ST3GAL3: variants seen among roughly 807,000 people sequenced by gnomAD.
The protein encoded by ST3GAL3 is ST3 beta-galactoside alpha-2,3-sialyltransferase 3.
Under a neutral mutation model 50.1 loss-of-function variants are expected in ST3GAL3, and 21 were observed. The observed-to-expected ratio is 0.42, with a 90% CI of 0.30 to 0.60. The LOEUF (loss-of-function observed/expected upper bound fraction) is 0.60. ST3GAL3 is among the 20% of genes least tolerant of loss of function. ST3GAL3 has a pLI of 0.19. For synonymous variants in ST3GAL3, 183 were observed against 190.0 expected (o/e 0.96, Z 0.30); for missense variants, 353 against 489.4 (o/e 0.72, Z 2.63).
At chr1:43,817,594 CCTCCCTT>C (rs2061484841) in intron 4 of ST3GAL3, among the ~76,000 whole-genome samples, 1 of 73,972 alleles carries the variant, frequency 1.4e-5, no homozygotes, top group Non-Finnish European at 2.5e-5. Context: ...TCCTTCTCCT[CCTCCCTT>C]CTCCTTCTCC....
At chr1:43,760,276 T>G (rs1689771497) in intron 2 of ST3GAL3, among the ~76,000 whole-genome samples, 2 of 152,258 alleles carry the variant, frequency 1.3e-5, no homozygotes, top group South Asian at 4.1e-4. Context: ...AACTTACATC[T>G]GCTGCCATAA....
At chr1:43,786,839 T>C (rs2057404799) in intron 2 of ST3GAL3, among the ~76,000 whole-genome samples, 1 of 152,206 alleles carries the variant, frequency 6.6e-6, no homozygotes, top group East Asian at 1.9e-4. Flanking sequence ...GTGTTTAGCT[T>C]TATATGTATT....
At chr1:43,803,491 G>C (rs2059547254) in intron 3 of ST3GAL3, among the ~76,000 whole-genome samples, 1 of 152,140 alleles carries the variant, frequency 6.6e-6, no homozygotes, top group Non-Finnish European at 1.5e-5. Flanking sequence ...CACAGACTTT[G>C]TGAGCCCGAT....
chr1:43,852,847 G>A (rs2067598129), intron 5 of ST3GAL3, among the ~76,000 whole-genome samples: 1 of 152,152 alleles, frequency 6.6e-6, no homozygotes, highest in Non-Finnish European at 1.5e-5. Flanking sequence ...GATGTGTCCT[G>A]GGGCCATAAA....
chr1:43,709,190 C>T lies in ST3GAL3; in HGVS notation c.-31+1497C>T, dbSNP rs1663249871. On this transcript the variant is annotated intron_variant, in intron 1 of 11. Coordinates refer to ENST00000347631, the MANE Select transcript of ST3GAL3 (RefSeq NM_006279.5). ...AAGGTGCAGGGGAACCTGAGATGCTCATGGGTGGTTCCAGGGGGTTTCTTA... is the reference window on the plus strand; with the variant it reads ...AAGGTGCAGGGGAACCTGAGATGCTTATGGGTGGTTCCAGGGGGTTTCTTA... Among the ~76,000 whole-genome samples, 5 of 152,276 alleles carry T rather than the reference C, an allele frequency of 3.3e-5. No individual in the cohort carries two copies. The South Asian group carries it at 1.0e-3, about 32-fold the overall frequency.
chr1:43,804,189 G>A (rs2059626877), intron 3 of ST3GAL3, among the ~76,000 whole-genome samples: 1 of 152,146 alleles, frequency 6.6e-6, no homozygotes, highest in South Asian at 2.1e-4. Context: ...ACTCAAAATA[G>A]CAGTTCCTCT....
chr1:43,907,343 C>T (rs773333709), intron 9 of ST3GAL3, among the ~76,000 whole-genome samples: 1 of 152,176 alleles, frequency 6.6e-6, no homozygotes, highest in Non-Finnish European at 1.5e-5. Flanking sequence ...TCAGATCCAG[C>T]CAGTCCAGTA....
intron 4 of ST3GAL3, among the ~76,000 whole-genome samples, chr1:43,822,785 T>C (rs1226619461): frequency 6.6e-6 from 1 of 152,152 alleles, no homozygotes; most frequent in Non-Finnish European, 1.5e-5. Flanking sequence ...GACTCCTATA[T>C]TTATATCAAG....
intron 11 of ST3GAL3, among the ~76,000 whole-genome samples, chr1:43,929,821 A>T (rs1222948802): frequency 1.3e-5 from 2 of 152,118 alleles, no homozygotes; most frequent in African/African-American, 4.8e-5. Context: ...AAGTGGCTTG[A>T]AGTCTGTGGG....
At chr1:43,815,812 C>T (rs1292477457) in intron 4 of ST3GAL3, among the ~76,000 whole-genome samples, 1 of 152,142 alleles carries the variant, frequency 6.6e-6, no homozygotes, top group African/African-American at 2.4e-5. Context: ...TACTAGGCTT[C>T]TTGGTCTCTC....
intron 1 of ST3GAL3, 126 bp from the exon 2 acceptor site, chr1:43,736,107 A>G (rs1243506194): frequency 2.2e-6 from 2 of 892,456 alleles, no homozygotes; most frequent in Non-Finnish European, 3.6e-6. Flanking sequence ...AGAAGATGCC[A>G]TGATATGAAA....
intron 5 of ST3GAL3, among the ~76,000 whole-genome samples, chr1:43,878,517 T>C (rs775996098): frequency 6.6e-6 from 1 of 152,074 alleles, no homozygotes; most frequent in Non-Finnish European, 1.5e-5. Flanking sequence ...GAGCCAAATG[T>C]GTGTCTGAGG....
chr1:43,867,033 T>G (rs769199999), intron 5 of ST3GAL3, among the ~76,000 whole-genome samples: 11 of 152,096 alleles, frequency 7.2e-5, no homozygotes, highest in African/African-American at 1.2e-4. Flanking sequence ...GGGACGCTTA[T>G]GCAGGAGAGT....
In ST3GAL3 at chr1:43,904,901, C is replaced by T. The variant is rs796457336; in HGVS notation, c.744+5174C>T. On this transcript the variant is annotated intron_variant, in intron 9 of 11. Coordinates refer to ENST00000347631, the MANE Select transcript of ST3GAL3 (RefSeq NM_006279.5). ...CCTCTTCCCGCCACTCTTCCTCCCC[C>T]TCCTCCTGCTCCTCTTCCCGCCACT... Among the ~76,000 whole-genome samples the T allele has an allele frequency of 7.8e-4, 72 of 91,928 alleles. 1 individual carries two copies. Among genetic ancestry groups the T allele is most frequent in the African/African-American group, 2.7e-3 (65 of 24,416 alleles). The allele number at this position is 91,928 out of a possible 152,430, so 60.3% of individuals were successfully genotyped here.
chr1:43,848,925 T>C (rs189955985), intron 5 of ST3GAL3, among the ~76,000 whole-genome samples: 56 of 152,324 alleles, frequency 3.7e-4, no homozygotes, highest in African/African-American at 1.3e-3. Flanking sequence ...ATTTAATCAC[T>C]TGTTAATCCC....
chr1:43,713,841 G>A (rs768584793), intron 1 of ST3GAL3, among the ~76,000 whole-genome samples: 3 of 152,146 alleles, frequency 2.0e-5, no homozygotes, highest in Non-Finnish European at 2.9e-5. Context: ...CAGCCACGTT[G>A]TGGTTTTATT....
chr1:43,861,181 T>A (rs779946980), intron 5 of ST3GAL3, among the ~76,000 whole-genome samples: 2 of 152,246 alleles, frequency 1.3e-5, no homozygotes, highest in African/African-American at 2.4e-5. Context: ...ACTTTGCTAC[T>A]TTGCTAGCTG....
At chr1:43,814,786 C>G in intron 3 of ST3GAL3, 105 bp from the exon 4 acceptor site, 1 of 1,069,662 alleles carries the variant, frequency 9.3e-7, no homozygotes, top group Middle Eastern at 2.0e-4. Context: ...GAATTGTGTT[C>G]TTTTCCAAGG....
chr1:43,778,309 G>A (rs1299413085), intron 2 of ST3GAL3, among the ~76,000 whole-genome samples: 1 of 152,190 alleles, frequency 6.6e-6, no homozygotes, highest in African/African-American at 2.4e-5. Flanking sequence ...AATAGCTAAT[G>A]GATGCTGGGC....
Sources: gnomAD v4.1 joint callset for allele counts (sites outside exome capture counted in the v4.1 genomes callset) on GRCh38, gnomAD v4.1.1 for gene constraint, MANE v1.5 for transcripts, NCBI Gene and HGNC (gene_info 2026-07-23, HGNC 2026-07-21) for gene names.